Variants in DLG2 observed in about 807,000 individuals in gnomAD.
DLG2 encodes the protein discs large MAGUK scaffold protein 2.
Under a neutral mutation model 132.5 loss-of-function variants are expected in DLG2, and 45 were observed. The observed-to-expected ratio is 0.34, with a 90% CI of 0.27 to 0.44. DLG2 has a LOEUF of 0.44. Ranked by LOEUF, DLG2 falls within the 20% of genes least tolerant of loss-of-function variation. The probability of loss-of-function intolerance (pLI) is 1.00; values close to 1 mark genes in which losing one functional copy is unlikely to be tolerated. For missense variants in DLG2, 1,045 were observed against 1,196.9 expected (o/e 0.87, Z 1.87); for synonymous variants, 424 against 419.6 (o/e 1.01, Z -0.13).
At chr11:85,026,429 C>T (rs1336727492) in intron 6 of DLG2, among the ~76,000 whole-genome samples, 1 of 152,020 alleles carries the variant, frequency 6.6e-6, no homozygotes, top group Non-Finnish European at 1.5e-5. Flanking sequence ...TTAATACTAT[C>T]TAGTGTTCTG....
chr11:84,618,899 G>T (rs1010484877), intron 6 of DLG2, among the ~76,000 whole-genome samples: 1 of 151,796 alleles, frequency 6.6e-6, no homozygotes, highest in African/African-American at 2.4e-5. Flanking sequence ...AAATAATGAA[G>T]AAAATATTTA....
chr11:84,554,576 G>A (rs1179532210), intron 6 of DLG2, among the ~76,000 whole-genome samples: 1 of 152,012 alleles, frequency 6.6e-6, no homozygotes, highest in Admixed American at 6.6e-5. Flanking sequence ...GAGAAATCCC[G>A]TCTCTTCTAA....
intron 6 of DLG2, among the ~76,000 whole-genome samples, chr11:84,825,504 T>G (rs1029949972): frequency 1.3e-5 from 2 of 151,906 alleles, no homozygotes; most frequent in Non-Finnish European, 2.9e-5. Context: ...GCAATTAAGT[T>G]CAGGAATGCC....
intron 18 of DLG2, chr11:83,684,370 T>C (rs2079360117): frequency 6.6e-6 from 1 of 152,172 alleles, no homozygotes; most frequent in Non-Finnish European, 1.5e-5. Context: ...TGAGAGATTT[T>C]CTTAGCTCCA....
chr11:83,801,316 T>A (rs1410209746), intron 17 of DLG2, among the ~76,000 whole-genome samples: 8 of 152,102 alleles, frequency 5.3e-5, no homozygotes, highest in South Asian at 2.1e-4. Flanking sequence ...CCCTCCTCTA[T>A]CCCCTTTTGA....
intron 6 of DLG2, among the ~76,000 whole-genome samples, chr11:84,838,389 A>C (rs1400962432): frequency 9.4e-6 from 1 of 105,870 alleles, no homozygotes; most frequent in Non-Finnish European, 2.1e-5. Flanking sequence ...AGCACAAGAC[A>C]GATTGAATGA....
intron 8 of DLG2, among the ~76,000 whole-genome samples, chr11:84,192,292 G>C (rs1246956665): frequency 1.3e-5 from 2 of 152,086 alleles, no homozygotes; most frequent in Non-Finnish European, 2.9e-5. Flanking sequence ...GATAATTTGG[G>C]GTTTGCTAAG....
intron 3 of DLG2, among the ~76,000 whole-genome samples, chr11:85,519,283 G>A (rs990889400): frequency 6.6e-6 from 1 of 152,222 alleles, no homozygotes; most frequent in Non-Finnish European, 1.5e-5. Context: ...CCAGGATGGA[G>A]GCTGTACCCT....
intron 6 of DLG2, among the ~76,000 whole-genome samples, chr11:84,830,063 A>G (rs1012592927): frequency 2.0e-5 from 3 of 151,680 alleles, no homozygotes; most frequent in African/African-American, 7.2e-5. Context: ...TATAATATAC[A>G]AATATCAAAC....
chr11:85,591,350 A>G (rs771258178), intron 3 of DLG2, among the ~76,000 whole-genome samples: 4 of 152,244 alleles, frequency 2.6e-5, no homozygotes, highest in Non-Finnish European at 5.9e-5. Flanking sequence ...TATCAAGGAC[A>G]TTTTGAATCC....
chr11:83,473,037 G>C (rs1165710563), intron 22 of DLG2, among the ~76,000 whole-genome samples: 1 of 152,100 alleles, frequency 6.6e-6, no homozygotes, highest in Non-Finnish European at 1.5e-5. Context: ...ACTTCTTTCT[G>C]TCTGGCATTG....
intron 6 of DLG2, among the ~76,000 whole-genome samples, chr11:84,932,432 T>C (rs1195139558): frequency 6.6e-6 from 1 of 152,174 alleles, no homozygotes. Context: ...GTGCAGAACA[T>C]GCAGGTTAGT....
chr11:84,619,915 A>C (rs1386186286), intron 6 of DLG2, among the ~76,000 whole-genome samples: 1 of 151,790 alleles, frequency 6.6e-6, no homozygotes, highest in African/African-American at 2.4e-5. Flanking sequence ...AATTCCAAAA[A>C]TAACCCCAAT....
intron 5 of DLG2, among the ~76,000 whole-genome samples, chr11:85,147,067 T>G (rs920245996): frequency 1.3e-5 from 2 of 152,220 alleles, no homozygotes; most frequent in Non-Finnish European, 2.9e-5. Context: ...CACACAGATT[T>G]TCTGAATACA....
intron 22 of DLG2, among the ~76,000 whole-genome samples, chr11:83,475,996 CTA>C (rs2092584774): frequency 6.6e-6 from 1 of 152,046 alleles, no homozygotes; most frequent in African/African-American, 2.4e-5. Flanking sequence ...CCACAAAACA[CTA>C]TGTGTTTAAA....
At chr11:84,814,020 T>C (rs553324822) in intron 6 of DLG2, among the ~76,000 whole-genome samples, 1 of 152,144 alleles carries the variant, frequency 6.6e-6, no homozygotes, top group African/African-American at 2.4e-5. Flanking sequence ...AGTAACCCCT[T>C]AGGAGAAATA....
intron 8 of DLG2, among the ~76,000 whole-genome samples, chr11:84,219,984 T>C (rs1337435679): frequency 6.6e-6 from 1 of 152,202 alleles, no homozygotes; most frequent in Non-Finnish European, 1.5e-5. Context: ...CTCACATTGT[T>C]CCACCTGTCA....
chr11:84,207,654 A>C (rs1383533150), intron 8 of DLG2, among the ~76,000 whole-genome samples: 1 of 152,166 alleles, frequency 6.6e-6, no homozygotes, highest in Non-Finnish European at 1.5e-5. Flanking sequence ...TGGATTAAAA[A>C]CCATTATGTA....
chr11:85,603,850 G>A (rs183394386), intron 2 of DLG2, among the ~76,000 whole-genome samples: 20 of 152,152 alleles, frequency 1.3e-4, no homozygotes, highest in African/African-American at 4.3e-4. Context: ...CCAGGAGTTC[G>A]AGGCTTCAGT....
Sources: gnomAD v4.1 joint callset for allele counts (sites outside exome capture counted in the v4.1 genomes callset) on GRCh38, gnomAD v4.1.1 for gene constraint, MANE v1.5 for transcripts, NCBI Gene and HGNC (gene_info 2026-07-23, HGNC 2026-07-21) for gene names.